The following SNTB1 variants were observed in gnomAD, a reference collection of about 807,000 sequenced individuals.
SNTB1 encodes syntrophin beta 1, also known as beta-1-syntrophin.
SNTB1 carries 36 observed loss-of-function variants against 48.9 expected under a neutral mutation model. The ratio of observed to expected loss-of-function variants is 0.74; its 90% CI spans 0.56 to 0.97. SNTB1 has a LOEUF of 0.97. SNTB1 is among the 50% of genes least tolerant of loss of function. The probability of loss-of-function intolerance (pLI) is 0.00; values close to 1 mark genes in which losing one functional copy is unlikely to be tolerated. For missense variants in SNTB1, 786 were observed against 703.4 expected (o/e 1.12, Z -1.33); for synonymous variants, 299 against 294.6 (o/e 1.01, Z -0.15).
chr8:120,654,032 T>A (rs1162062808), intron 2 of SNTB1, among the ~76,000 whole-genome samples: 3 of 43,296 alleles, frequency 6.9e-5, no homozygotes, highest in Non-Finnish European at 1.4e-4. Context: ...AGAGCGAGAC[T>A]CTGCCTCAAA....
chr8:120,543,927 T>C (rs564892019), intron 5 of SNTB1, among the ~76,000 whole-genome samples: 2 of 151,202 alleles, frequency 1.3e-5, no homozygotes, highest in African/African-American at 2.4e-5. Flanking sequence ...GAGATTGTGC[T>C]GATAGCACTG....
chr8:120,747,864 C>T (rs1050125077), intron 1 of SNTB1, among the ~76,000 whole-genome samples: 18 of 152,156 alleles, frequency 1.2e-4, no homozygotes, highest in African/African-American at 4.1e-4. Flanking sequence ...CAAACCCATA[C>T]ACACATATGT....
At chr8:120,788,497 C>T (rs769259003) in intron 1 of SNTB1, among the ~76,000 whole-genome samples, 7 of 152,092 alleles carry the variant, frequency 4.6e-5, no homozygotes, top group South Asian at 4.1e-4. Flanking sequence ...AGAGATACAA[C>T]TAACATGTAA....
chr8:120,617,352 T>A (rs1816731277), intron 3 of SNTB1, among the ~76,000 whole-genome samples: 1 of 152,348 alleles, frequency 6.6e-6, no homozygotes, highest in South Asian at 2.1e-4. Flanking sequence ...GAAGAATATT[T>A]TTGTGGAATG....
At chr8:120,627,942 T>C (rs921445417) in intron 3 of SNTB1, among the ~76,000 whole-genome samples, 4 of 152,218 alleles carry the variant, frequency 2.6e-5, no homozygotes, top group African/African-American at 7.2e-5. Context: ...GTTTACCTCA[T>C]TGGATTTGGA....
chr8:120,681,973 G>A (rs1446725922), intron 2 of SNTB1, among the ~76,000 whole-genome samples: 1 of 151,496 alleles, frequency 6.6e-6, no homozygotes, highest in Non-Finnish European at 1.5e-5. Context: ...TATTCTCCAA[G>A]AATTAACGGA....
intron 1 of SNTB1, 143 bp from the exon 2 acceptor site, chr8:120,694,051 G>A (rs1321477887): frequency 1.0e-5 from 7 of 687,890 alleles, no homozygotes; most frequent in African/African-American, 3.8e-5. Context: ...TTGAATTTTT[G>A]TTCCACTCAA....
intron 2 of SNTB1, among the ~76,000 whole-genome samples, chr8:120,683,254 G>T (rs1366924513): frequency 2.6e-5 from 4 of 152,104 alleles, no homozygotes; most frequent in African/African-American, 9.7e-5. Flanking sequence ...ATAGAATATT[G>T]ACTTTTGTTG....
At chr8:120,698,682 T>A (rs1818251833) in intron 1 of SNTB1, among the ~76,000 whole-genome samples, 1 of 152,216 alleles carries the variant, frequency 6.6e-6, no homozygotes, top group African/African-American at 2.4e-5. Context: ...AAGGCTTGGC[T>A]ATCAATTGTA....
In SNTB1 at chr8:120,613,744, G is replaced by A. The variant is rs552544852; in HGVS notation, c.996+18700C>T. Reference sequence around the variant, plus strand: ...TATCCGGTAGTGGTTATTAATCTTTGTTGGGTATCAGAGTGGTGAGATTGA... The same window carrying A: ...TATCCGGTAGTGGTTATTAATCTTTATTGGGTATCAGAGTGGTGAGATTGA... On this transcript the variant is annotated intron_variant, in intron 3 of 6. Transcript: ENST00000517992. Among the ~76,000 whole-genome samples, 123 of 152,300 alleles carry A rather than the reference G, an allele frequency of 8.1e-4. 1 individual carries two copies. The highest frequency in any genetic ancestry group is 2.9e-3 in the African/African-American group (121 of 41,580).
chr8:120,554,269 G>C (rs1327562459), intron 4 of SNTB1, among the ~76,000 whole-genome samples: 1 of 152,160 alleles, frequency 6.6e-6, no homozygotes, highest in East Asian at 1.9e-4. Flanking sequence ...GTGAGCGTCT[G>C]TCTAGGGTTG....
chr8:120,601,379 G>A (rs753074437), intron 3 of SNTB1, among the ~76,000 whole-genome samples: 40 of 152,104 alleles, frequency 2.6e-4, no homozygotes, highest in Admixed American at 3.3e-4. Context: ...GGATGAGACC[G>A]TTTGAAATTA....
chr8:120,688,443 G>C (rs1405035626), intron 2 of SNTB1, among the ~76,000 whole-genome samples: 1 of 152,070 alleles, frequency 6.6e-6, no homozygotes, highest in Non-Finnish European at 1.5e-5. Flanking sequence ...ATTTATGAAC[G>C]AAAATAGTTT....
At chr8:120,612,311 T>A (rs1367131638) in intron 3 of SNTB1, among the ~76,000 whole-genome samples, 1 of 152,178 alleles carries the variant, frequency 6.6e-6, no homozygotes, top group East Asian at 1.9e-4. Flanking sequence ...CTTTCACAGA[T>A]AAGAAAACTG....
intron 2 of SNTB1, among the ~76,000 whole-genome samples, chr8:120,652,838 GA>G (rs927873681): frequency 2.0e-5 from 3 of 152,090 alleles, no homozygotes; most frequent in Non-Finnish European, 4.4e-5. Flanking sequence ...GTAAATGGGG[GA>G]AAAAACTACA....
intron 1 of SNTB1, among the ~76,000 whole-genome samples, chr8:120,719,952 T>C (rs1818630687): frequency 6.6e-6 from 1 of 152,244 alleles, no homozygotes; most frequent in Non-Finnish European, 1.5e-5. Flanking sequence ...GTAAAATGAC[T>C]TCAAACTGTC....
chr8:120,610,236 A>T (rs1816597672), intron 3 of SNTB1, among the ~76,000 whole-genome samples: 1 of 152,184 alleles, frequency 6.6e-6, no homozygotes. Context: ...TCCCTGGTTA[A>T]AGCGATTCTC....
At chr8:120,790,685 G>A (rs1283501536) in intron 1 of SNTB1, among the ~76,000 whole-genome samples, 1 of 151,824 alleles carries the variant, frequency 6.6e-6, no homozygotes, top group Admixed American at 6.6e-5. Flanking sequence ...CTTAACCAAG[G>A]AGGCAAAAGA....
intron 3 of SNTB1, among the ~76,000 whole-genome samples, chr8:120,595,426 T>C (rs1816307410): frequency 6.6e-6 from 1 of 152,084 alleles, no homozygotes; most frequent in African/African-American, 2.4e-5. Context: ...ACAAATGCCA[T>C]GGCAACATCA....
Sources: allele counts gnomAD v4.1 joint callset (sites outside exome capture counted in the v4.1 genomes callset), GRCh38; gene constraint gnomAD v4.1.1; transcripts MANE v1.5; gene names NCBI Gene and HGNC (gene_info 2026-07-23, HGNC 2026-07-21).